The following LPP variants were observed in gnomAD, a reference collection of about 807,000 sequenced individuals.
The protein encoded by LPP is lipoma-preferred partner.
A neutral mutation model predicts 60.4 loss-of-function variants in LPP; 38 were observed. The ratio of observed to expected loss-of-function variants is 0.63; its 90% CI spans 0.49 to 0.83. The LOEUF (loss-of-function observed/expected upper bound fraction) is 0.83. Among genes scored for constraint, LPP ranks in the 40% least tolerant of loss-of-function variants. The pLI is 0.00. For synonymous variants in LPP, 328 were observed against 290.8 expected (o/e 1.13, Z -1.30); for missense variants, 902 against 783.6 (o/e 1.15, Z -1.80).
chr3:188,704,260 C>T (rs1372801844), intron 7 of LPP, among the ~76,000 whole-genome samples: 1 of 152,112 alleles, frequency 6.6e-6, no homozygotes, highest in Non-Finnish European at 1.5e-5. Flanking sequence ...AATCCACTCC[C>T]TCAGAGGCAG....
At chr3:188,278,186 T>C (rs1246755255) in intron 2 of LPP, among the ~76,000 whole-genome samples, 2 of 152,200 alleles carry the variant, frequency 1.3e-5, no homozygotes, top group African/African-American at 4.8e-5. Context: ...ATTGGATGGA[T>C]GAGGTATGGA....
chr3:188,795,624 A>G (rs1323189281), intron 9 of LPP, among the ~76,000 whole-genome samples: 3 of 152,256 alleles, frequency 2.0e-5, no homozygotes, highest in Non-Finnish European at 4.4e-5. Flanking sequence ...AAATGTGGCC[A>G]CACTGTATAC....
At chr3:188,299,057 G>T (rs1484789898) in intron 2 of LPP, among the ~76,000 whole-genome samples, 1 of 152,150 alleles carries the variant, frequency 6.6e-6, no homozygotes, top group African/African-American at 2.4e-5. Context: ...TAATAAGGCA[G>T]CAGATTGTAT....
chr3:188,727,956 A>G (rs1185144417), intron 8 of LPP, among the ~76,000 whole-genome samples: 1 of 152,192 alleles, frequency 6.6e-6, no homozygotes. Context: ...TTACACTGCT[A>G]TCCTTTCTGT....
At chr3:188,540,001 A>G (rs1824713983) in intron 6 of LPP, among the ~76,000 whole-genome samples, 1 of 152,150 alleles carries the variant, frequency 6.6e-6, no homozygotes, top group Admixed American at 6.5e-5. Context: ...CCTAAAGCAA[A>G]CTGCTCAGCC....
At chr3:188,384,640 A>C (rs1276697630) in intron 3 of LPP, among the ~76,000 whole-genome samples, 1 of 151,870 alleles carries the variant, frequency 6.6e-6, no homozygotes, top group African/African-American at 2.4e-5. Context: ...AAATTCAAAA[A>C]TCAGTCAGGC....
intron 7 of LPP, among the ~76,000 whole-genome samples, chr3:188,638,401 C>T (rs1167490502): frequency 1.7e-4 from 25 of 144,432 alleles, no homozygotes. Context: ...AACCCACAGC[C>T]AATATCATAC....
chr3:188,280,915 T>G (rs2149911208), intron 2 of LPP, among the ~76,000 whole-genome samples: 1 of 149,706 alleles, frequency 6.7e-6, no homozygotes, highest in Non-Finnish European at 1.5e-5. Flanking sequence ...CTGGGGCTAA[T>G]GATAGGACGA....
At chr3:188,724,041 G>C (rs1717460415) in intron 8 of LPP, among the ~76,000 whole-genome samples, 1 of 151,928 alleles carries the variant, frequency 6.6e-6, no homozygotes, top group Admixed American at 6.6e-5. Flanking sequence ...AGTCTGATTT[G>C]ATCCTAAACC....
In LPP at chr3:188,182,253, G is replaced by A. The variant is rs921824646; in HGVS notation, c.-190+28001G>A. Among the ~76,000 whole-genome samples the A allele has an allele frequency of 6.6e-6, 1 of 152,162 alleles. No individual in the cohort carries two copies. Among genetic ancestry groups the A allele is most frequent in the African/African-American group, 2.4e-5 (1 of 41,420 alleles). On this transcript the variant is annotated intron_variant, in intron 1 of 11. Transcript: ENST00000617246. This position sits in a 1 kb window ranked among gnomAD's most constrained non-coding sequence, Gnocchi z 4.4. ...CTTGCTCCTTGGGCCAGCAGCATCAGTATCACTTAGCACTTGTTACCAGTG... is the reference window on the plus strand; with the variant it reads ...CTTGCTCCTTGGGCCAGCAGCATCAATATCACTTAGCACTTGTTACCAGTG...
chr3:188,834,650 T>C (rs148420662), intron 9 of LPP, among the ~76,000 whole-genome samples: 1 of 152,306 alleles, frequency 6.6e-6, no homozygotes, highest in Non-Finnish European at 1.5e-5. Context: ...TTTTGTCTTG[T>C]TCAGTACAAC....
At chr3:188,241,741 T>G (rs1724939214) in intron 2 of LPP, among the ~76,000 whole-genome samples, 1 of 152,218 alleles carries the variant, frequency 6.6e-6, no homozygotes, top group African/African-American at 2.4e-5. Flanking sequence ...GACTTTGTTA[T>G]AACTACTACT....
At chr3:188,559,201 T>G (rs1242037227) in intron 6 of LPP, among the ~76,000 whole-genome samples, 1 of 152,122 alleles carries the variant, frequency 6.6e-6, no homozygotes, top group Non-Finnish European at 1.5e-5. Context: ...AGTAATTCCT[T>G]GTGATGACAT....
intron 7 of LPP, among the ~76,000 whole-genome samples, chr3:188,667,477 C>CAAAA (rs558923211): frequency 7.2e-6 from 1 of 139,370 alleles, no homozygotes. Flanking sequence ...TACTCTGTCT[C>CAAAA]AAAAAAAAAA....
At chr3:188,232,229 T>C (rs922702717) in intron 2 of LPP, among the ~76,000 whole-genome samples, 2 of 152,216 alleles carry the variant, frequency 1.3e-5, no homozygotes, top group South Asian at 2.1e-4. Context: ...TTAGTGACTT[T>C]ACAGCCAAAA....
chr3:188,464,296 C>T (rs1023140819), intron 4 of LPP, among the ~76,000 whole-genome samples: 2 of 152,186 alleles, frequency 1.3e-5, no homozygotes, highest in Admixed American at 6.5e-5. Context: ...GATATGGTAG[C>T]TGCTAGCCCC....
At chr3:188,410,219 T>A (rs938393072) in intron 4 of LPP, among the ~76,000 whole-genome samples, 2 of 152,190 alleles carry the variant, frequency 1.3e-5, no homozygotes, top group Admixed American at 6.5e-5. Context: ...AATATAAACC[T>A]ACTTCTCCAG....
chr3:188,324,344 G>T (rs1031389039), intron 2 of LPP, among the ~76,000 whole-genome samples: 2 of 151,888 alleles, frequency 1.3e-5, no homozygotes, highest in African/African-American at 4.8e-5. Context: ...TAAGTCCAAC[G>T]TTCATCACCT....
At chr3:188,872,786 G>A (rs1379879621) in intron 11 of LPP, 23 bp downstream of exon 11, 2 of 1,613,790 alleles carry the variant, frequency 1.2e-6, no homozygotes, top group Admixed American at 3.3e-5. Context: ...GCCCTGCCCT[G>A]CCAGTCTGTG....
Sources: gnomAD v4.1 joint callset for allele counts (sites outside exome capture counted in the v4.1 genomes callset) on GRCh38, gnomAD v4.1.1 for gene constraint, Gnocchi (gnomAD v3.1) non-coding constraint, MANE v1.5 for transcripts, NCBI Gene and HGNC (gene_info 2026-07-23, HGNC 2026-07-21) for gene names.